MYO15A: variants seen among roughly 807,000 people sequenced by gnomAD.
MYO15A encodes the protein myosin XVA, also known as unconventional myosin-XV.
In MYO15A, 308 loss-of-function variants were observed where a neutral mutation model predicts 394.6. The ratio of observed to expected loss-of-function variants is 0.78; its 90% CI spans 0.71 to 0.86. The LOEUF is 0.86. MYO15A is among the 40% of genes least tolerant of loss of function. The pLI is 0.00. For synonymous variants in MYO15A, 1,957 were observed against 2,003.8 expected (o/e 0.98, Z 0.62); for missense variants, 4,606 against 4,799.1 (o/e 0.96, Z 1.19).
Position 18,119,978 on chromosome 17 carries a change from AC to A in MYO15A, c.1185del (p.Glu396ArgfsTer48), listed in dbSNP as rs772536599. The A allele has an allele frequency of 2.5e-6, 4 of 1,612,184 alleles. No homozygotes were observed. Among genetic ancestry groups the A allele is most frequent in the South Asian group, 2.2e-5 (2 of 91,018 alleles). On this transcript the variant is annotated frameshift_variant, in exon 2 of 66. Coordinates refer to ENST00000647165, the MANE Select transcript of MYO15A (RefSeq NM_016239.4). LOFTEE classifies it high-confidence loss of function. ...GVYGGGDEAI[Y>X]PPEVPYFYPE... ...TATGGCGGTGGGGACGAGGCCATCT[AC>A]CCCCCCGAGGTGCCCTATTTTTACC... is the stretch of plus-strand genomic sequence containing the variant.
Position 18,150,483 on chromosome 17 carries a change from G to A in MYO15A, c.7267G>A (p.Gly2423Ser), listed in dbSNP as rs530783345. The A allele has an allele frequency of 2.7e-5, 44 of 1,614,162 alleles. No individual in the cohort carries two copies. Among genetic ancestry groups the A allele is most frequent in the East Asian group, 2.5e-4 (11 of 44,884 alleles). ...AYRMKGGGQP[G>S]GGSSSGTEDT... Reference sequence around the variant, plus strand: ...CCGCATGAAAGGGGGAGGCCAGCCCGGTGGAGGCAGCAGTAGTGGTACTGA... The same window carrying A: ...CCGCATGAAAGGGGGAGGCCAGCCCAGTGGAGGCAGCAGTAGTGGTACTGA... The change falls in exon 36 of 66, where the codon GGT becomes AGT. Residue 2423 changes from glycine to serine, a missense_variant. Gly to Ser is a moderately conservative substitution (Grantham distance 56). This residue lies in a region of MYO15A where 2,776 missense variants were observed against 3,109.3 expected (regional missense o/e 0.89). Transcript: ENST00000647165. The surrounding 1 kb of genome is among the most constrained non-coding windows in gnomAD (Gnocchi z 4.4).
Position 18,126,423 on chromosome 17 carries a change from A to G in MYO15A, c.3833A>G (p.Gln1278Arg). The G allele has an allele frequency of 6.2e-7, 1 of 1,613,830 alleles. No individual in the cohort carries two copies. The highest frequency in any genetic ancestry group is 8.5e-7 in the Non-Finnish European group (1 of 1,179,976). The part of the protein sequence containing the change: ...FGIYGPEQVQ[Q>R]YNGRALGENP... ...ATCTATGGGCCGGAGCAGGTGCAGC[A>G]GTACAACGGACGGGCCCTGGGAGAG... Residue 1278 changes from glutamine to arginine, a missense_variant, in exon 5 of 66, where the codon CAG (glutamine) becomes CGG (arginine). Gln to Arg is a conservative substitution (Grantham distance 43, BLOSUM62 1). Transcript: ENST00000647165.
chr17:18,167,566 C>T, intron 61 of MYO15A, 24 bp from the exon 62 acceptor site: 1 of 1,600,606 alleles, frequency 6.2e-7, no homozygotes, highest in Non-Finnish European at 8.5e-7. Flanking sequence ...GCCTGGCAGC[C>T]CCTCACCCAG....
chr17:18,171,902 G>T, intron 63 of MYO15A, 131 bp downstream of exon 63: 1 of 1,427,330 alleles, frequency 7.0e-7, no homozygotes, highest in Non-Finnish European at 9.3e-7. Flanking sequence ...CTGAGCACCT[G>T]CCTGGAGAAA....
intron 52 of MYO15A, 32 bp downstream of exon 52, chr17:18,158,670 TG>T: frequency 6.2e-7 from 1 of 1,604,050 alleles, no homozygotes; most frequent in Non-Finnish European, 8.5e-7. Flanking sequence ...CTTCCCACAG[TG>T]GGAGGGTGCT....
chr17:18,136,547 A>G lies in MYO15A; in HGVS notation c.4656-16A>G. On this transcript the variant is annotated splice_polypyrimidine_tract_variant and intron_variant, in intron 14 of 65. Coordinates refer to ENST00000647165, the MANE Select transcript of MYO15A (RefSeq NM_016239.4). ...ACCACGGTGTCCTGCTCACACCAGC[A>G]CCACCTCTGCTCCAGGGACGCCATC... 6.2e-7 allele frequency: 1 copy of G among 1,613,928 alleles called. No individual in the cohort carries two copies.
rs2047052260 is a variant in MYO15A, at chr17:18,178,861, C to A, written c.10584C>A (p.Thr3528=). 3 of 1,613,036 alleles carry A rather than the reference C, an allele frequency of 1.9e-6. No individual in the cohort carries two copies. The highest frequency in any genetic ancestry group is 1.7e-6 in the Non-Finnish European group (2 of 1,180,000). The change falls in exon 66 of 66, where the codon ACC becomes ACA. Residue 3528 remains threonine, a synonymous_variant. Coordinates refer to ENST00000647165, the MANE Select transcript of MYO15A (RefSeq NM_016239.4). ...KRLTLPPSEI[T]LL is the part of the protein sequence containing the mutation. The stretch of plus-strand genomic sequence containing the variant: ...TCACATTGCCCCCCAGCGAGATCAC[C>A]CTGCTCTGACCCAGCCCCCAGCCCT...
chr17:18,140,631 C>G lies in MYO15A; in HGVS notation c.5326C>G (p.Gln1776Glu). The G allele has an allele frequency of 6.2e-7, 1 of 1,613,866 alleles. No homozygotes were observed. Among genetic ancestry groups the G allele is most frequent in the South Asian group, 1.1e-5 (1 of 91,092 alleles). The change falls in exon 20 of 66, where the codon CAG (glutamine) becomes GAG (glutamate). Residue 1776 changes from glutamine (Q) to glutamate (E), a missense_variant. Gln to Glu is a conservative substitution (Grantham distance 29, BLOSUM62 2). This residue lies in a region of MYO15A where 2,776 missense variants were observed against 3,109.3 expected (regional missense o/e 0.89). Transcript: ENST00000647165. ...GCACACTGTGGCCGCCAAGTTCCAGCAGTCACTCCTGGATCTGGTGGAAAA... is the reference window on the plus strand; with the variant it reads ...GCACACTGTGGCCGCCAAGTTCCAGGAGTCACTCCTGGATCTGGTGGAAAA... ...KAHTVAAKFQ[Q>E]SLLDLVEKME...
At position 18,158,795 on chromosome 17, in the gene MYO15A, G is replaced by A. The variant is rs1597811313; in HGVS notation, c.9084-130G>A. On this transcript the variant is annotated intron_variant, in intron 52 of 65. Coordinates refer to ENST00000647165, the MANE Select transcript of MYO15A (RefSeq NM_016239.4). ...GCTCATTTCAGTGCCTGCCTCTGGG[G>A]GTCTTCGTGACCGGTAGACTGATCA... The A allele has an allele frequency of 1.6e-5, 22 of 1,382,580 alleles. No individual in the cohort carries two copies. The East Asian group carries it at 5.0e-4, about 32-fold the overall frequency. The allele number at this position is 1,382,580 out of a possible 1,614,324, so 85.6% of individuals were successfully genotyped here.
chr17:18,166,254 T>C (rs1001778996), intron 60 of MYO15A, 107 bp from the exon 61 acceptor site: 2 of 1,449,580 alleles, frequency 1.4e-6, no homozygotes, highest in African/African-American at 1.4e-5. Context: ...TCCGAGGTGA[T>C]ACCTCACCTG....
intron 22 of MYO15A, 96 bp from the exon 23 acceptor site, chr17:18,141,557 C>G (rs541424693): frequency 1.3e-4 from 162 of 1,200,370 alleles, no homozygotes; most frequent in Non-Finnish European, 1.5e-4. Context: ...TGGGACCAGG[C>G]TTTTTGGACA....
At chr17:18,135,676 A>C (rs778038463) in intron 12 of MYO15A, 35 bp from the exon 13 acceptor site, 1 of 1,591,752 alleles carries the variant, frequency 6.3e-7, no homozygotes, top group South Asian at 1.1e-5. Flanking sequence ...TAGCCTATCT[A>C]GTTCAAAGCA....
chr17:18,118,655 A>G lies in MYO15A; in HGVS notation c.-146A>G. ...CCGGAATCCTGGCTCGGCCCTCCCC[A>G]CGCCACCCAGGGCCAGTCGGGTCTG... On this transcript the variant is annotated 5_prime_UTR_variant, in exon 2 of 66. Coordinates refer to ENST00000647165, the MANE Select transcript of MYO15A (RefSeq NM_016239.4). The G allele has an allele frequency of 7.8e-7, 1 of 1,283,186 alleles. No individual in the cohort carries two copies. The highest frequency in any genetic ancestry group is 1.1e-6 in the Non-Finnish European group (1 of 937,150). The allele number at this position is 1,283,186 out of a possible 1,614,324, so 79.5% of individuals were successfully genotyped here.
rs760341163 is a variant in MYO15A, at chr17:18,157,053, C to T, written c.8701C>T (p.Pro2901Ser). The change falls in exon 49 of 66, where the codon CCA (proline) becomes TCA (serine). Residue 2901 changes from proline to serine, a missense_variant. Physicochemically the swap from Pro to Ser is moderately conservative, Grantham distance 74 (BLOSUM62 -1). Coordinates refer to ENST00000647165, the MANE Select transcript of MYO15A (RefSeq NM_016239.4). The stretch of plus-strand genomic sequence containing the variant: ...CATCATACACCTGCAGCCCCTAGAG[C>T]CACCTCGAGTGGGTCAGTGCCACTG... Reference protein sequence around the residue: ...GDIIHLQPLEPPRVGYSAGCV... With the variant: ...GDIIHLQPLESPRVGYSAGCV... 6.2e-7 allele frequency: 1 copy of T among 1,614,094 alleles called. No individual in the cohort carries two copies. The highest frequency in any genetic ancestry group is 8.5e-7 in the Non-Finnish European group (1 of 1,180,014).
In MYO15A at chr17:18,145,937, C is replaced by T. The variant is rs757273401; in HGVS notation, c.6339C>T (p.Ile2113=). The change falls in exon 30 of 66, where the codon ATC becomes ATT. Residue 2113 remains isoleucine (I), a synonymous_variant. Coordinates refer to ENST00000647165, the MANE Select transcript of MYO15A (RefSeq NM_016239.4). ...GARENIFGNY[I]VQKGLAVPEL... ...GGGAGAACATCTTCGGGAACTACATCGTGCAGAAGGGGCTGGCGGTGCCTG... is the reference window on the plus strand; with the variant it reads ...GGGAGAACATCTTCGGGAACTACATTGTGCAGAAGGGGCTGGCGGTGCCTG... 6.2e-6 allele frequency: 10 copies of T among 1,613,776 alleles called. No homozygotes were observed. The Admixed American group carries it at 1.2e-4, about 19-fold the overall frequency.
Position 18,118,741 on chromosome 17 carries a change from T to C in MYO15A, c.-60T>C. The C allele has an allele frequency of 1.2e-6, 2 of 1,605,638 alleles. No homozygotes were observed. Among genetic ancestry groups the C allele is most frequent in the Non-Finnish European group, 1.7e-6 (2 of 1,177,538 alleles). ...GCAAGAGACAGAGCAGGTCCCTGTG[T>C]CTCCAAGTCCCTGAGCCCGTGACAC... On this transcript the variant is annotated 5_prime_UTR_variant, in exon 2 of 66. Transcript: ENST00000647165.
rs2047053717 is a variant in MYO15A, at chr17:18,178,959, C to T, written c.*89C>T. ...CTGAACCTCTCAGGATCAATGACCCCTGTAAGGGGCCAGAGCCTTGGAGGA... is the reference window on the plus strand; with the variant it reads ...CTGAACCTCTCAGGATCAATGACCCTTGTAAGGGGCCAGAGCCTTGGAGGA... On this transcript the variant is annotated 3_prime_UTR_variant, in exon 66 of 66. Transcript: ENST00000647165. 4 of 1,324,264 alleles carry T rather than the reference C, an allele frequency of 3.0e-6. No homozygotes were observed. In the South Asian group the frequency reaches 3.7e-5, roughly 12 times the overall value. 82.0% of individuals were successfully genotyped at this position (1,324,264 alleles called of 1,614,324 possible). A position where few individuals can be genotyped will look rare whatever the true frequency, so the allele number is the denominator to read the frequency against.
At chr17:18,159,898 CAT>C in intron 55 of MYO15A, 35 bp from the exon 56 acceptor site, 2 of 1,607,642 alleles carry the variant, frequency 1.2e-6, no homozygotes, top group Non-Finnish European at 1.7e-6. Context: ...TAGCCCCTCA[CAT>C]GTCTTTGGTG....
Position 18,122,164 on chromosome 17 carries a change from C to CTTCT in MYO15A, c.3364_3365insTTCT (p.Gln1122LeufsTer31). ...TTTTGCTGTGGTCATGCCTCGTGTGCAGAAGCTGAGCTCTTTCCAGCGAGT... is the reference window on the plus strand; with the variant it reads ...TTTTGCTGTGGTCATGCCTCGTGTGCTTCTAGAAGCTGAGCTCTTTCCAGCGAGT... On this transcript the variant is annotated frameshift_variant, in exon 2 of 66. Coordinates refer to ENST00000647165, the MANE Select transcript of MYO15A (RefSeq NM_016239.4). LOFTEE classifies it high-confidence loss of function. 6.2e-7 allele frequency: 1 copy of CTTCT among 1,613,116 alleles called. No individual in the cohort carries two copies. The highest frequency in any genetic ancestry group is 8.5e-7 in the Non-Finnish European group (1 of 1,180,018).
Sources: gnomAD v4.1 joint callset for allele counts on GRCh38, gnomAD v4.1.1 for gene constraint, gnomAD v4.1.1 regional missense constraint, Gnocchi (gnomAD v3.1) non-coding constraint, MANE v1.5 for transcripts, NCBI Gene and HGNC (gene_info 2026-07-23, HGNC 2026-07-21) for gene names.